The following TNRC6B variants were observed in gnomAD, a reference collection of about 807,000 sequenced individuals.
TNRC6B encodes the protein trinucleotide repeat containing adaptor 6B, also known as trinucleotide repeat-containing gene 6B protein.
TNRC6B carries 52 observed loss-of-function variants against 203.6 expected under a neutral mutation model. The observed-to-expected ratio is 0.26, with a 90% confidence interval of 0.20 to 0.32. The LOEUF (loss-of-function observed/expected upper bound fraction) is 0.32. TNRC6B is among the 10% of genes least tolerant of loss of function. TNRC6B has a pLI of 1.00. For missense variants in TNRC6B, 1,923 were observed against 2,286.2 expected (o/e 0.84, Z 3.24); for synonymous variants, 838 against 845.7 (o/e 0.99, Z 0.16).
chr22:40,225,730 G>C (rs1488061988), intron 1 of TNRC6B, among the ~76,000 whole-genome samples: 1 of 115,842 alleles, frequency 8.6e-6, no homozygotes, highest in Non-Finnish European at 1.7e-5. Flanking sequence ...GCGACAGAGT[G>C]AGACTCCGTC....
At position 40,207,716 on chromosome 22, in the gene TNRC6B, T is replaced by C. The variant is rs928768910; in HGVS notation, c.5+29576T>C. 2.8e-4 allele frequency among the ~76,000 whole-genome samples: 43 copies of C among 151,888 alleles called. 1 individual carries two copies. The highest frequency in any genetic ancestry group is 1.5e-5 in the Non-Finnish European group (1 of 67,968). ...AGAGAAAATCCAAATGGCCAATAAA[T>C]GTGGAGGGGGAAATACAACTTAATT... On this transcript the variant is annotated intron_variant, in intron 1 of 22. Transcript: ENST00000454349.
intron 4 of TNRC6B, among the ~76,000 whole-genome samples, chr22:40,167,405 G>T (rs1292843506): frequency 6.6e-6 from 1 of 152,118 alleles, no homozygotes; most frequent in Non-Finnish European, 1.5e-5. Flanking sequence ...AAGTAGAATG[G>T]TGGTTGCCAG....
At chr22:40,270,393 C>T (rs531420287) in intron 6 of TNRC6B, 113 bp downstream of exon 6, 4 of 1,056,858 alleles carry the variant, frequency 3.8e-6, no homozygotes, top group Admixed American at 4.2e-5. Flanking sequence ...AATTTCGGCT[C>T]ACTGCAACCT....
chr22:40,132,455 TG>T (rs956428611), intron 3 of TNRC6B, among the ~76,000 whole-genome samples: 1 of 150,996 alleles, frequency 6.6e-6, no homozygotes, highest in South Asian at 2.1e-4. Flanking sequence ...CACTCCAGCC[TG>T]GGTGACAGTG....
chr22:40,164,091 A>G (rs1297143538), intron 4 of TNRC6B, among the ~76,000 whole-genome samples: 1 of 152,136 alleles, frequency 6.6e-6, no homozygotes, highest in Non-Finnish European at 1.5e-5. Context: ...GCCTAATTCC[A>G]GAATATTTTA....
chr22:40,058,254 C>T lies in TNRC6B; in HGVS notation c.-121+13256C>T, dbSNP rs1201865390. 2.6e-5 allele frequency among the ~76,000 whole-genome samples: 4 copies of T among 151,976 alleles called. No homozygotes were observed. The East Asian group carries it at 5.8e-4, about 22-fold the overall frequency. ...CCAAAAAACAAAAACAAAACATAAA[C>T]GGTAAAAAAGGCTCTTGGTAGAAAT... is the stretch of plus-strand genomic sequence containing the variant. On this transcript the variant is annotated intron_variant, in intron 1 of 23. Coordinates refer to the TNRC6B transcript ENST00000301923.
At chr22:40,274,588 T>C (rs1180057560) in intron 7 of TNRC6B, among the ~76,000 whole-genome samples, 1 of 152,034 alleles carries the variant, frequency 6.6e-6, no homozygotes, top group African/African-American at 2.4e-5. Flanking sequence ...GCCCGGCTAA[T>C]TTTTTGTATT....
At chr22:40,104,821 C>G (rs1457290011) in intron 1 of TNRC6B, among the ~76,000 whole-genome samples, 1 of 152,190 alleles carries the variant, frequency 6.6e-6, no homozygotes, top group Non-Finnish European at 1.5e-5. Flanking sequence ...ACTTCAACCC[C>G]TTACCCTGTT....
intron 1 of TNRC6B, among the ~76,000 whole-genome samples, chr22:40,198,985 G>A (rs2146403821): frequency 1.3e-5 from 2 of 152,114 alleles, no homozygotes; most frequent in South Asian, 4.1e-4. Flanking sequence ...GCTGATTATA[G>A]GATTGGAGCA....
At chr22:40,078,494 A>C (rs1389621496) in intron 1 of TNRC6B, among the ~76,000 whole-genome samples, 1 of 152,214 alleles carries the variant, frequency 6.6e-6, no homozygotes, top group East Asian at 1.9e-4. Flanking sequence ...ATTGCACTCC[A>C]GCCAGGAGAT....
intron 22 of TNRC6B, 156 bp downstream of exon 22, chr22:40,321,385 G>T: frequency 4.5e-6 from 4 of 884,390 alleles, no homozygotes; most frequent in Non-Finnish European, 6.8e-6. Flanking sequence ...AGAGTGTGGA[G>T]GTGCCGGGTC....
intron 2 of TNRC6B, among the ~76,000 whole-genome samples, chr22:40,248,263 C>T (rs1328243911): frequency 6.6e-6 from 1 of 152,190 alleles, no homozygotes; most frequent in East Asian, 1.9e-4. Context: ...TTGCACCCTC[C>T]ACCTCCAACT....
Position 40,117,406 on chromosome 22 carries a change from G to A in TNRC6B, c.-47+278G>A, listed in dbSNP as rs765374212. 5.3e-5 allele frequency among the ~76,000 whole-genome samples: 8 copies of A among 152,232 alleles called. No individual in the cohort carries two copies. The South Asian group carries it at 6.2e-4, about 12-fold the overall frequency. On this transcript the variant is annotated intron_variant, in intron 2 of 23. Transcript: ENST00000301923. ...AATTTTATGTGAGTGTTCCCCTAGC[G>A]TCTCTGTCTCTCACCTTTCCCTGCT...
intron 1 of TNRC6B, among the ~76,000 whole-genome samples, chr22:40,218,558 G>A (rs1190170077): frequency 6.6e-6 from 1 of 151,966 alleles, no homozygotes; most frequent in Non-Finnish European, 1.5e-5. Context: ...GAACTGCTGG[G>A]CTCAAATGAT....
chr22:40,058,091 G>A (rs1411542929), intron 1 of TNRC6B, among the ~76,000 whole-genome samples: 1 of 152,142 alleles, frequency 6.6e-6, no homozygotes, highest in East Asian at 1.9e-4. Flanking sequence ...TTAAACAAAA[G>A]GCCACAATAC....
At chr22:40,120,782 G>A (rs2068436822) in intron 2 of TNRC6B, among the ~76,000 whole-genome samples, 1 of 152,194 alleles carries the variant, frequency 6.6e-6, no homozygotes, top group African/African-American at 2.4e-5. Context: ...TCATAAAGTT[G>A]CCATAGGAGA....
chr22:40,126,676 T>G (rs1006895266), intron 3 of TNRC6B, among the ~76,000 whole-genome samples: 4 of 145,418 alleles, frequency 2.8e-5, no homozygotes, highest in Admixed American at 7.0e-5. Context: ...TTGCAGCCTC[T>G]GCCACCCAGG....
intron 1 of TNRC6B, among the ~76,000 whole-genome samples, chr22:40,213,933 G>A (rs1021859187): frequency 6.6e-6 from 1 of 152,078 alleles, no homozygotes; most frequent in Non-Finnish European, 1.5e-5. Flanking sequence ...AAAAAATAAT[G>A]TAGACAGGTA....
At chr22:40,235,779 G>A (rs1166885923) in intron 1 of TNRC6B, among the ~76,000 whole-genome samples, 1 of 152,222 alleles carries the variant, frequency 6.6e-6, no homozygotes, top group East Asian at 1.9e-4. Context: ...ATTTGAGCAT[G>A]TTAAGATGAA....
Sources: allele counts gnomAD v4.1 joint callset (sites outside exome capture counted in the v4.1 genomes callset), GRCh38; gene constraint gnomAD v4.1.1; transcripts MANE v1.5; gene names NCBI Gene and HGNC (gene_info 2026-07-23, HGNC 2026-07-21).